Variants in GLI2 observed in about 807,000 individuals in gnomAD.
GLI2 encodes the protein transcription activator GLI2.
GLI2 carries 22 observed loss-of-function variants against 78.9 expected under a neutral mutation model. That is an observed-to-expected ratio of 0.28 (90% CI 0.20 to 0.40). GLI2 has a LOEUF of 0.40. Among genes scored for constraint, GLI2 ranks in the 10% least tolerant of loss-of-function variants. The pLI is 1.00. For synonymous variants in GLI2, 974 were observed against 963.7 expected (o/e 1.01, Z -0.20); for missense variants, 2,097 against 2,213.2 (o/e 0.95, Z 1.05).
intron 2 of GLI2, among the ~76,000 whole-genome samples, chr2:120,826,297 C>T (rs1238207043): frequency 6.6e-6 from 1 of 152,210 alleles, no homozygotes; most frequent in Non-Finnish European, 1.5e-5. Context: ...CCAGGTTGGG[C>T]GTGAGGGTCT....
chr2:120,933,148 G>A (rs749532409), intron 3 of GLI2, among the ~76,000 whole-genome samples: 10 of 152,146 alleles, frequency 6.6e-5, no homozygotes, highest in Non-Finnish European at 1.0e-4. Flanking sequence ...GCAGCTGCAC[G>A]TGGGGAAGGC....
At chr2:120,865,893 G>A (rs1385616194) in intron 2 of GLI2, among the ~76,000 whole-genome samples, 1 of 152,210 alleles carries the variant, frequency 6.6e-6, no homozygotes. Flanking sequence ...TCTGGACCTG[G>A]CACCCCCCCT....
chr2:120,877,852 T>G (rs894187370), intron 2 of GLI2, among the ~76,000 whole-genome samples: 3 of 152,138 alleles, frequency 2.0e-5, no homozygotes, highest in African/African-American at 7.2e-5. Context: ...TCTCGATGAA[T>G]GTCTATGTGC....
chr2:120,835,132 C>T (rs551524843), intron 2 of GLI2, among the ~76,000 whole-genome samples: 1 of 152,072 alleles, frequency 6.6e-6, no homozygotes, highest in Admixed American at 6.6e-5. Flanking sequence ...ACAGTGAAGA[C>T]CAGGATTTGG....
rs1187784778 is a variant in GLI2, at chr2:120,736,119, C to G, written c.-197C>G. The G allele has an allele frequency of 2.0e-5, 3 of 151,386 alleles. No homozygotes were observed. Among genetic ancestry groups the G allele is most frequent in the Admixed American group, 2.0e-4 (3 of 15,220 alleles). 9.4% of individuals were successfully genotyped at this position (151,386 alleles called of 1,614,324 possible). A position where few individuals can be genotyped will look rare whatever the true frequency, so the allele number is the denominator to read the frequency against. ...GGCTGCGCGGCGCCCGCCCGCCTCT[C>G]GGTCCCCTCTCTTGCCTGGCCCGCC... is the stretch of plus-strand genomic sequence containing the variant. On this transcript the variant is annotated 5_prime_UTR_variant, in exon 1 of 14. Transcript: ENST00000361492.
In GLI2 at chr2:120,992,054, C is replaced by G. The variant is rs1573748280; in HGVS notation, c.*1379C>G. 8.4e-6 allele frequency: 1 copy of G among 118,830 alleles called. No homozygotes were observed. 7.4% of individuals were successfully genotyped at this position (118,830 alleles called of 1,614,324 possible). A position where few individuals can be genotyped will look rare whatever the true frequency, so the allele number is the denominator to read the frequency against. ...CACACACACACACACACACACACCC[C>G]AAACCTTTTCATGGGGAATGTGTGG... On this transcript the variant is annotated 3_prime_UTR_variant, in exon 14 of 14. Transcript: ENST00000361492.
intron 1 of GLI2, among the ~76,000 whole-genome samples, chr2:120,752,331 C>T (rs1361688172): frequency 3.4e-5 from 5 of 145,296 alleles, no homozygotes; most frequent in African/African-American, 1.3e-4. Context: ...AGTGCAGTGG[C>T]GTGATCTTGG....
At chr2:120,953,552 G>A (rs1168731034) in intron 4 of GLI2, among the ~76,000 whole-genome samples, 1 of 152,226 alleles carries the variant, frequency 6.6e-6, no homozygotes, top group Non-Finnish European at 1.5e-5. Flanking sequence ...TTCCAGTGAA[G>A]AGGTGGAAGG....
At chr2:120,851,781 G>A (rs752943003) in intron 2 of GLI2, among the ~76,000 whole-genome samples, 3 of 152,242 alleles carry the variant, frequency 2.0e-5, no homozygotes, top group African/African-American at 7.2e-5. Context: ...CAATCAACAA[G>A]TCAACACACA....
At position 120,909,533 on chromosome 2, in the gene GLI2, C is replaced by G. The variant is rs1195381581; in HGVS notation, c.149-17828C>G. On this transcript the variant is annotated intron_variant, in intron 2 of 13. Coordinates refer to ENST00000361492, the MANE Select transcript of GLI2 (RefSeq NM_001374353.1). The stretch of plus-strand genomic sequence containing the variant: ...TGCCCAGAGGTATAAAAATATGCCT[C>G]TGTGACTGTGGTTAGATCGTGCACA... Among the ~76,000 whole-genome samples the G allele has an allele frequency of 5.9e-5, 9 of 152,332 alleles. No individual in the cohort carries two copies. The South Asian group carries it at 1.7e-3, about 28-fold the overall frequency.
In GLI2 at chr2:120,741,108, T is replaced by C. The variant is rs78831621; in HGVS notation, c.-31+4823T>C. ...GTGGGGCGGGGGGTGTTGTTTGTAT[T>C]TCCCAGACTTACAAACCATTTGAGT... is the stretch of plus-strand genomic sequence containing the variant. On this transcript the variant is annotated intron_variant, in intron 1 of 13. Coordinates refer to ENST00000361492, the MANE Select transcript of GLI2 (RefSeq NM_001374353.1). Among the ~76,000 whole-genome samples, 452 of 152,334 alleles carry C rather than the reference T, an allele frequency of 3.0e-3. 4 individuals carry two copies. The highest frequency in any genetic ancestry group is 0.01 in the African/African-American group (421 of 41,574).
chr2:120,886,073 TTG>T (rs146469888), intron 2 of GLI2, among the ~76,000 whole-genome samples: 6 of 150,878 alleles, frequency 4.0e-5, no homozygotes, highest in African/African-American at 9.7e-5. Context: ...CAAAGTAAAT[TTG>T]TGTGTGTGTG....
intron 3 of GLI2, among the ~76,000 whole-genome samples, chr2:120,930,077 GT>G (rs1465710898): frequency 6.6e-6 from 1 of 152,218 alleles, no homozygotes; most frequent in African/African-American, 2.4e-5. Context: ...TGCACGGGAT[GT>G]TGGTCAGGAG....
intron 2 of GLI2, among the ~76,000 whole-genome samples, chr2:120,886,718 C>T (rs762611895): frequency 2.3e-4 from 35 of 152,284 alleles, no homozygotes; most frequent in Middle Eastern, 6.8e-3. Flanking sequence ...AATAAAGGGG[C>T]CTGGAGTGGG....
At chr2:120,850,768 G>A (rs868682941) in intron 2 of GLI2, among the ~76,000 whole-genome samples, 27 of 152,348 alleles carry the variant, frequency 1.8e-4, no homozygotes, top group Middle Eastern at 3.4e-3. Context: ...TGTCATCACT[G>A]TGCGAGAGGC....
chr2:120,961,315 G>T (rs1641579484), intron 5 of GLI2, among the ~76,000 whole-genome samples: 1 of 152,336 alleles, frequency 6.6e-6, no homozygotes, highest in African/African-American at 2.4e-5. Context: ...GAGGCAGGAA[G>T]AGCTGGTAGA....
At chr2:120,805,294 G>A (rs939342655) in intron 2 of GLI2, among the ~76,000 whole-genome samples, 8 of 152,336 alleles carry the variant, frequency 5.3e-5, no homozygotes, top group Middle Eastern at 3.4e-3. Context: ...TGCAGAGACC[G>A]GCACACATGT....
chr2:120,981,369 G>A (rs1220642054), intron 10 of GLI2, among the ~76,000 whole-genome samples: 1 of 152,128 alleles, frequency 6.6e-6, no homozygotes, highest in African/African-American at 2.4e-5. Flanking sequence ...TATATTGCCT[G>A]GATCTCTATG....
chr2:120,970,543 C>T lies in GLI2; in HGVS notation c.996C>T (p.Thr332=). Residue 332 remains threonine, a synonymous_variant, in exon 7 of 14, where the codon ACC becomes ACT. Coordinates refer to ENST00000361492, the MANE Select transcript of GLI2 (RefSeq NM_001374353.1). ...TGGCCCAGCAGCCCATGGCCCTCAC[C>T]TCCATCAATGCCACGCCCACCCAGC... ...TFLAQQPMAL[T]SINATPTQLS... is the part of the protein sequence containing the mutation. The T allele has an allele frequency of 6.2e-7, 1 of 1,614,194 alleles. No individual in the cohort carries two copies. Among genetic ancestry groups the T allele is most frequent in the Non-Finnish European group, 8.5e-7 (1 of 1,180,030 alleles).
Sources: allele counts gnomAD v4.1 joint callset (sites outside exome capture counted in the v4.1 genomes callset), GRCh38; gene constraint gnomAD v4.1.1; transcripts MANE v1.5; gene names NCBI Gene and HGNC (gene_info 2026-07-23, HGNC 2026-07-21).